Variants in SLAIN1 observed in about 807,000 individuals in gnomAD.
SLAIN1 encodes the protein SLAIN motif-containing protein 1.
A neutral mutation model predicts 55.4 loss-of-function variants in SLAIN1; 17 were observed. That is an observed-to-expected ratio of 0.31 (90% CI 0.21 to 0.46). SLAIN1 has a LOEUF of 0.46. Ranked by LOEUF, SLAIN1 falls within the 20% of genes least tolerant of loss-of-function variation. The probability of loss-of-function intolerance (pLI) is 1.00; values close to 1 mark genes in which losing one functional copy is unlikely to be tolerated. For synonymous variants in SLAIN1, 348 were observed against 337.4 expected (o/e 1.03, Z -0.35); for missense variants, 682 against 785.1 (o/e 0.87, Z 1.57).
intron 2 of SLAIN1, among the ~76,000 whole-genome samples, chr13:77,733,841 G>A (rs1204334490): frequency 1.3e-5 from 2 of 152,100 alleles, no homozygotes; most frequent in Non-Finnish European, 2.9e-5. Flanking sequence ...TGCTACTCAA[G>A]TTTACCCAAT....
intron 2 of SLAIN1, among the ~76,000 whole-genome samples, chr13:77,722,449 A>T (rs369408176): frequency 6.6e-6 from 1 of 152,290 alleles, no homozygotes; most frequent in South Asian, 2.1e-4. Flanking sequence ...CCAATCTCTC[A>T]TGCCCTTTTT....
At chr13:77,713,095 A>C (rs2091169447) in intron 1 of SLAIN1, among the ~76,000 whole-genome samples, 1 of 152,176 alleles carries the variant, frequency 6.6e-6, no homozygotes, top group Non-Finnish European at 1.5e-5. Flanking sequence ...AAGACCTAAA[A>C]CCGTAAAAAC....
rs1463200908 is a variant in SLAIN1 at position 77,760,833 on chromosome 13, T to C, written c.1420T>C (p.Ser474Pro). 1 of 1,612,944 alleles carries C rather than the reference T, an allele frequency of 6.2e-7. No homozygotes were observed. Among genetic ancestry groups the C allele is most frequent in the Non-Finnish European group, 8.5e-7 (1 of 1,179,446 alleles). The change falls in exon 6 of 7, where the codon TCA becomes CCA. Residue 474 changes from serine (S) to proline (P), a missense_variant. Coordinates refer to ENST00000418532, the MANE Select transcript of SLAIN1 (RefSeq NM_001242868.2). ...AATATCATTTTCTCTTCTAGTTCCA[T>C]CACCGGGACAGCTTCAACACAGGGT... ...GISRIQSCIP[S>P]PGQLQHRVHS... is the part of the protein sequence containing the mutation.
intron 2 of SLAIN1, among the ~76,000 whole-genome samples, chr13:77,743,954 A>G (rs1594284897): frequency 6.6e-6 from 1 of 152,062 alleles, no homozygotes; most frequent in East Asian, 1.9e-4. Flanking sequence ...ATATATACAT[A>G]TCTAATAGGA....
intron 1 of SLAIN1, among the ~76,000 whole-genome samples, chr13:77,714,246 A>G (rs1039718933): frequency 2.9e-4 from 44 of 152,208 alleles, no homozygotes; most frequent in African/African-American, 7.7e-4. Flanking sequence ...CTAGTGGCTC[A>G]TTTCTGTCAG....
intron 2 of SLAIN1, chr13:77,741,548 T>C: frequency 2.1e-6 from 1 of 470,038 alleles, no homozygotes; most frequent in Non-Finnish European, 2.8e-6. Flanking sequence ...ATTGCGAATG[T>C]GGTTTCCTTG....
intron 1 of SLAIN1, among the ~76,000 whole-genome samples, chr13:77,714,156 G>C (rs2091182607): frequency 6.6e-6 from 1 of 151,100 alleles, no homozygotes; most frequent in East Asian, 1.9e-4. Context: ...ATATATCCCA[G>C]AACTTAAAGT....
chr13:77,705,444 A>G (rs1173448105), intron 1 of SLAIN1, among the ~76,000 whole-genome samples: 1 of 152,000 alleles, frequency 6.6e-6, no homozygotes, highest in Non-Finnish European at 1.5e-5. Flanking sequence ...AAGACTTTTC[A>G]GATGCTCTTG....
intron 2 of SLAIN1, among the ~76,000 whole-genome samples, chr13:77,725,312 T>G (rs896909760): frequency 1.3e-5 from 2 of 152,316 alleles, no homozygotes; most frequent in Middle Eastern, 6.8e-3. Context: ...ATTGAAGTCC[T>G]TAGGAGTTAT....
chr13:77,744,112 T>C, intron 2 of SLAIN1, 171 bp from the exon 3 acceptor site: 1 of 631,602 alleles, frequency 1.6e-6, no homozygotes, highest in Non-Finnish European at 2.9e-6. Context: ...GTTTTGTATA[T>C]ATGAATTGTG....
At chr13:77,707,993 C>T (rs1422504509) in intron 1 of SLAIN1, among the ~76,000 whole-genome samples, 2 of 152,104 alleles carry the variant, frequency 1.3e-5, no homozygotes, top group Non-Finnish European at 2.9e-5. Flanking sequence ...GGATTCACTG[C>T]TTTTAGTGCC....
In SLAIN1 at chr13:77,744,271, T is replaced by C. The variant is rs1360316118; in HGVS notation, c.767-12T>C. ...TGCAGATGGAAGAACACACTTTTCC[T>C]TTGTGTTTCAGGTTACACTTCCAGG... On this transcript the variant is annotated splice_polypyrimidine_tract_variant and intron_variant, in intron 2 of 6. Transcript: ENST00000418532. The C allele has an allele frequency of 2.5e-6, 4 of 1,585,638 alleles. No homozygotes were observed. The South Asian group carries it at 4.4e-5, about 18-fold the overall frequency.
At chr13:77,762,078 G>A (rs527718700) in intron 6 of SLAIN1, among the ~76,000 whole-genome samples, 4 of 152,188 alleles carry the variant, frequency 2.6e-5, no homozygotes, top group South Asian at 4.1e-4. Context: ...AACAAATTTC[G>A]AAAAACAGAA....
intron 1 of SLAIN1, among the ~76,000 whole-genome samples, chr13:77,701,656 CT>C (rs1255619541): frequency 6.6e-6 from 1 of 151,988 alleles, no homozygotes; most frequent in African/African-American, 2.4e-5. Context: ...TTAATACTAC[CT>C]GATTATCTTA....
rs1045556554 is a variant in SLAIN1 at position 77,698,719 on chromosome 13, T to G, written c.626+180T>G. Among the ~76,000 whole-genome samples the G allele has an allele frequency of 2.6e-5, 4 of 152,126 alleles. No homozygotes were observed. Among genetic ancestry groups the G allele is most frequent in the Non-Finnish European group, 5.9e-5 (4 of 68,006 alleles). ...GCGGTGACACTTCCCACGATGAGGC[T>G]TCTCATGAAGGCAGAAACCTGTTTT... On this transcript the variant is annotated intron_variant, in intron 1 of 6. Transcript: ENST00000418532. The surrounding 1 kb of genome is among the most constrained non-coding windows in gnomAD (Gnocchi z 4.1).
At chr13:77,713,088 A>T (rs1411280586) in intron 1 of SLAIN1, among the ~76,000 whole-genome samples, 1 of 152,228 alleles carries the variant, frequency 6.6e-6, no homozygotes, top group Admixed American at 6.5e-5. Context: ...TAAACGTAAG[A>T]CCTAAAACCG....
chr13:77,708,461 A>G (rs1410546924), intron 1 of SLAIN1, among the ~76,000 whole-genome samples: 2 of 152,228 alleles, frequency 1.3e-5, no homozygotes, highest in East Asian at 3.8e-4. Context: ...AAGCTCAGAC[A>G]GAAACATGAA....
rs1361927526 is a variant in SLAIN1 at position 77,763,880 on chromosome 13, A to T, written c.*660A>T. The T allele has an allele frequency of 6.6e-6, 1 of 152,662 alleles. No individual in the cohort carries two copies. The highest frequency in any genetic ancestry group is 1.5e-5 in the Non-Finnish European group (1 of 68,044). 9.5% of individuals were successfully genotyped at this position (152,662 alleles called of 1,614,324 possible). The stretch of plus-strand genomic sequence containing the variant: ...ATAATTTGAAGCATTGCAAGGAGAT[A>T]ACCAGACAGCAGAATTAAATGGTCC... On this transcript the variant is annotated 3_prime_UTR_variant, in exon 7 of 7. Coordinates refer to ENST00000418532, the MANE Select transcript of SLAIN1 (RefSeq NM_001242868.2).
chr13:77,745,468 A>G (rs17777209), intron 3 of SLAIN1, among the ~76,000 whole-genome samples: 8,400 of 152,146 alleles, frequency 0.055, 308 homozygotes, highest in South Asian at 0.11. Context: ...TAATTGTGAA[A>G]GAGTAGATAA....
Sources: gnomAD v4.1 joint callset for allele counts (sites outside exome capture counted in the v4.1 genomes callset) on GRCh38, gnomAD v4.1.1 for gene constraint, Gnocchi (gnomAD v3.1) non-coding constraint, MANE v1.5 for transcripts, NCBI Gene and HGNC (gene_info 2026-07-23, HGNC 2026-07-21) for gene names.